The following MRC1 variants were observed in gnomAD, a reference collection of about 807,000 sequenced individuals.
MRC1 encodes the protein macrophage mannose receptor 1.
In MRC1, 62 loss-of-function variants were observed where a neutral mutation model predicts 102.9. The ratio of observed to expected loss-of-function variants is 0.60; its 90% CI spans 0.49 to 0.74. The LOEUF (loss-of-function observed/expected upper bound fraction) is 0.74, where lower values mean the gene tolerates loss of function less well. Among genes scored for constraint, MRC1 ranks in the 30% least tolerant of loss-of-function variants. The pLI, the probability that MRC1 is intolerant of heterozygous loss-of-function variation, is 0.00. For synonymous variants in MRC1, 457 were observed against 298.4 expected, an observed-to-expected ratio of 1.53 and a Z score of -5.48; for missense variants, 1,237 against 862.8, an observed-to-expected ratio of 1.43 and a Z score of -5.43.
chr10:17,873,644 T>G (rs1833385213), intron 15 of MRC1, 140 bp from the exon 16 acceptor site: 1 of 726,700 alleles, frequency 1.4e-6, no homozygotes, highest in African/African-American at 1.7e-5. Flanking sequence ...GACGTGCAAA[T>G]AGGAGAAAGA....
chr10:17,896,180 G>C (rs938649459), intron 23 of MRC1, among the ~76,000 whole-genome samples: 7 of 152,160 alleles, frequency 4.6e-5, no homozygotes, highest in Non-Finnish European at 7.4e-5. Context: ...ATGGGTTTGT[G>C]TTGGAAGGTA....
rs1833489337 is a variant in MRC1, at chr10:17,879,852, T to TGTGGC, written c.2719+40_2719+44dup. The TGTGGC allele has an allele frequency of 5.1e-6, 4 of 780,752 alleles. No homozygotes were observed. The African/African-American group carries it at 6.8e-5, about 13-fold the overall frequency. The allele number at this position is 780,752 out of a possible 1,614,324, so 48.4% of individuals were successfully genotyped here. The stretch of plus-strand genomic sequence containing the variant: ...CAAGTCATGCATATTGAATTTGCTT[T>TGTGGC]GTGGCGTGGCGTGTCATTTGCCACA... On this transcript the variant is annotated intron_variant, in intron 19 of 29. Transcript: ENST00000569591.
intron 2 of MRC1, 101 bp from the exon 3 acceptor site, chr10:17,827,441 T>C: frequency 6.0e-6 from 3 of 496,016 alleles, no homozygotes; most frequent in Non-Finnish European, 7.7e-6. Context: ...TCAAGTGTAA[T>C]CAGAACAGTA....
chr10:17,835,260 T>C (rs1474811694), intron 4 of MRC1, among the ~76,000 whole-genome samples: 2 of 152,240 alleles, frequency 1.3e-5, no homozygotes, highest in Non-Finnish European at 2.9e-5. Context: ...TTTATTAGTA[T>C]AATAGCTACT....
intron 19 of MRC1, 150 bp downstream of exon 19, chr10:17,879,971 C>A (rs1833491204): frequency 1.4e-6 from 1 of 720,894 alleles, no homozygotes; most frequent in African/African-American, 1.7e-5. Context: ...CCTAACAGTT[C>A]AACTTGTAAC....
At chr10:17,864,845 A>G (rs1490181311) in intron 11 of MRC1, among the ~76,000 whole-genome samples, 7 of 151,668 alleles carry the variant, frequency 4.6e-5, no homozygotes, top group African/African-American at 1.7e-4. Flanking sequence ...AAAAAAAAAA[A>G]AAAAGCAGTG....
At chr10:17,863,788 A>C (rs916019664) in intron 11 of MRC1, 106 bp downstream of exon 11, 5 of 682,664 alleles carry the variant, frequency 7.3e-6, no homozygotes, top group Middle Eastern at 2.5e-4. Context: ...TAAATTAGTC[A>C]TGCTTTTAGT....
chr10:17,856,342 G>C lies in MRC1; in HGVS notation c.1508G>C (p.Gly503Ala). ...CCAGAAATAGTGGAAGTCGAAAAAGGCTGCAGGAAAGTGAGTGCACCATGC... is the reference window on the plus strand; with the variant it reads ...CCAGAAATAGTGGAAGTCGAAAAAGCCTGCAGGAAAGTGAGTGCACCATGC... ...QGPEIVEVEK[G>A]CRKGWKKHHF... The change falls in exon 9 of 30, where the codon GGC becomes GCC. Residue 503 changes from glycine to alanine, a missense_variant. Physicochemically the swap from Gly to Ala is moderately conservative, Grantham distance 60. Transcript: ENST00000569591. 1.2e-6 allele frequency: 1 copy of C among 853,026 alleles called. No homozygotes were observed. The highest frequency in any genetic ancestry group is 1.8e-5 in the Admixed American group (1 of 56,144). The allele number at this position is 853,026 out of a possible 1,614,324, so 52.8% of individuals were successfully genotyped here.
rs1833953105 is a variant in MRC1 at position 17,910,387 on chromosome 10, C to T, written c.4293C>T (p.Asn1431=). Residue 1431 remains asparagine (N), a synonymous_variant, in exon 30 of 30, where the codon AAC becomes AAT. Coordinates refer to ENST00000569591, the MANE Select transcript of MRC1 (RefSeq NM_002438.4). ...EGAFENTLYF[N]SQSSPGTSDM... is the part of the protein sequence containing the mutation. The stretch of plus-strand genomic sequence containing the variant: ...CCTTTGAAAACACTCTGTATTTTAA[C>T]AGTCAGTCAAGCCCAGGAACTAGTG... 3 of 780,636 alleles carry T rather than the reference C, an allele frequency of 3.8e-6. No individual in the cohort carries two copies. Among genetic ancestry groups the T allele is most frequent in the Non-Finnish European group, 7.2e-6 (3 of 417,952 alleles). The allele number at this position is 780,636 out of a possible 1,614,324, so 48.4% of individuals were successfully genotyped here.
intron 9 of MRC1, among the ~76,000 whole-genome samples, chr10:17,858,569 C>A (rs1833132974): frequency 6.6e-6 from 1 of 152,250 alleles, no homozygotes; most frequent in Admixed American, 6.5e-5. Context: ...CTCACTGCAA[C>A]CTCCGCCTCC....
At chr10:17,858,730 T>G (rs1215056443) in intron 9 of MRC1, among the ~76,000 whole-genome samples, 1 of 152,168 alleles carries the variant, frequency 6.6e-6, no homozygotes, top group Non-Finnish European at 1.5e-5. Context: ...TCATGATCCA[T>G]CCGCCTTGGC....
At chr10:17,849,457 G>A (rs535057) in intron 6 of MRC1, 122 bp from the exon 7 acceptor site, 590,594 of 618,982 alleles carry the variant, frequency 0.95, 281,882 homozygotes, top group East Asian at 1. Context: ...AAAACTAAAT[G>A]TTACCTTTAT....
Position 17,833,666 on chromosome 10 carries a change from C to T in MRC1, c.638-9C>T, listed in dbSNP as rs1373263058. On this transcript the variant is annotated splice_polypyrimidine_tract_variant and intron_variant, in intron 3 of 29. Coordinates refer to ENST00000569591, the MANE Select transcript of MRC1 (RefSeq NM_002438.4). ...TAATGAACCAAATTCCATCTGATTT[C>T]TTTCACAGTTGAGGGCAGTGAAAGC... 1.3e-6 allele frequency: 1 copy of T among 780,930 alleles called. No individual in the cohort carries two copies. Among genetic ancestry groups the T allele is most frequent in the Admixed American group, 1.7e-5 (1 of 59,024 alleles). 48.4% of individuals were successfully genotyped at this position (780,930 alleles called of 1,614,324 possible).
At chr10:17,848,392 C>T (rs1179211534) in intron 6 of MRC1, among the ~76,000 whole-genome samples, 1 of 152,118 alleles carries the variant, frequency 6.6e-6, no homozygotes, top group Non-Finnish European at 1.5e-5. Context: ...TGTACCAGGC[C>T]CTGTGCCAGG....
At position 17,845,553 on chromosome 10, in the gene MRC1, T is replaced by G. The variant is rs1336545587; in HGVS notation, c.1063+118T>G. 11 of 737,554 alleles carry G rather than the reference T, an allele frequency of 1.5e-5. No homozygotes were observed. The African/African-American group carries it at 1.6e-4, about 10-fold the overall frequency. The allele number at this position is 737,554 out of a possible 1,614,324, so 45.7% of individuals were successfully genotyped here. A position where few individuals can be genotyped will look rare whatever the true frequency, so the allele number is the denominator to read the frequency against. On this transcript the variant is annotated intron_variant, in intron 6 of 29. Transcript: ENST00000569591. ...GAGGTTTTGTGGATAGTTGATGGGG[T>G]AAACTTAATGATATTACTGCAATAT...
intron 3 of MRC1, among the ~76,000 whole-genome samples, chr10:17,832,335 T>C (rs1400150785): frequency 6.6e-6 from 1 of 150,936 alleles, no homozygotes. Context: ...GGCGGGTGGA[T>C]CACAAGGTCA....
Position 17,823,371 on chromosome 10 carries a change from G to T in MRC1, c.359G>T (p.Gly120Val). The change falls in exon 2 of 30, where the codon GGC (glycine) becomes GTC (valine). Residue 120 changes from glycine (G) to valine (V), a missense_variant. By Grantham distance (109) the Gly-to-Val change is moderately radical (BLOSUM62 -3). Transcript: ENST00000569591. ...GGAGAAGATTTATTTTTTAACTACGGCAACAGACAAGAAAAGAATATTATG... is the reference window on the plus strand; with the variant it reads ...GGAGAAGATTTATTTTTTAACTACGTCAACAGACAAGAAAAGAATATTATG... ...IKGEDLFFNY[G>V]NRQEKNIMLY... 1.3e-6 allele frequency: 1 copy of T among 780,796 alleles called. No homozygotes were observed. Among genetic ancestry groups the T allele is most frequent in the South Asian group, 1.3e-5 (1 of 74,618 alleles). 48.4% of individuals were successfully genotyped at this position (780,796 alleles called of 1,614,324 possible). A position where few individuals can be genotyped will look rare whatever the true frequency, so the allele number is the denominator to read the frequency against.
chr10:17,812,622 A>G (rs888165714), intron 1 of MRC1, among the ~76,000 whole-genome samples: 3 of 123,174 alleles, frequency 2.4e-5, no homozygotes, highest in African/African-American at 9.6e-5. Flanking sequence ...CCCAGCCTTG[A>G]GTGCAATGGT....
intron 15 of MRC1, 122 bp from the exon 16 acceptor site, chr10:17,873,662 G>T: frequency 1.3e-6 from 1 of 750,986 alleles, no homozygotes; most frequent in South Asian, 1.4e-5. Context: ...AGAAAGGGAA[G>T]GGAAAAAAGA....
Sources: allele counts gnomAD v4.1 joint callset (sites outside exome capture counted in the v4.1 genomes callset), GRCh38; gene constraint gnomAD v4.1.1; transcripts MANE v1.5; gene names NCBI Gene and HGNC (gene_info 2026-07-23, HGNC 2026-07-21).